Variants in ARRB1 observed in about 807,000 individuals in gnomAD.
ARRB1 encodes the protein arrestin beta 1.
A neutral mutation model predicts 56.8 loss-of-function variants in ARRB1; 21 were observed. The ratio of observed to expected loss-of-function variants is 0.37; its 90% CI spans 0.26 to 0.53. ARRB1 has a LOEUF of 0.53. Among genes scored for constraint, ARRB1 ranks in the 20% least tolerant of loss-of-function variants. The pLI is 0.88. For missense variants in ARRB1, 424 were observed against 553.7 expected, an observed-to-expected ratio of 0.77 and a Z score of 2.35; for synonymous variants, 210 against 218.6, an observed-to-expected ratio of 0.96 and a Z score of 0.35.
At chr11:75,317,189 C>G (rs1337188479) in intron 1 of ARRB1, among the ~76,000 whole-genome samples, 1 of 152,176 alleles carries the variant, frequency 6.6e-6, no homozygotes, top group Non-Finnish European at 1.5e-5. Context: ...CAGGTGGCCT[C>G]TGGGTAACGG....
chr11:75,323,527 T>C (rs1156335191), intron 1 of ARRB1, among the ~76,000 whole-genome samples: 3 of 151,974 alleles, frequency 2.0e-5, no homozygotes, highest in Non-Finnish European at 2.9e-5. Context: ...GGCTGAGGCA[T>C]GAGAATTGCT....
At chr11:75,289,108 T>C (rs1427394206) in intron 2 of ARRB1, among the ~76,000 whole-genome samples, 1 of 152,114 alleles carries the variant, frequency 6.6e-6, no homozygotes, top group East Asian at 1.9e-4. Flanking sequence ...ACTGATGTTA[T>C]CTACTGTGGA....
At chr11:75,277,598 T>C in intron 8 of ARRB1, 150 bp from the exon 9 acceptor site, 2 of 689,740 alleles carry the variant, frequency 2.9e-6, no homozygotes, top group South Asian at 3.5e-5. Context: ...CTGAAGTCCA[T>C]CACATCCCTC....
At chr11:75,312,170 G>A (rs1239010504) in intron 1 of ARRB1, 3 of 1,286,500 alleles carry the variant, frequency 2.3e-6, no homozygotes, top group Non-Finnish European at 3.0e-6. Flanking sequence ...GCCCTCCCCG[G>A]GGAGTGGTGA....
chr11:75,304,492 C>T (rs1946976268), intron 1 of ARRB1, among the ~76,000 whole-genome samples: 1 of 152,030 alleles, frequency 6.6e-6, no homozygotes, highest in South Asian at 2.1e-4. Flanking sequence ...GCTGAGCTGG[C>T]TTGTACAGGC....
intron 1 of ARRB1, among the ~76,000 whole-genome samples, chr11:75,323,777 G>T (rs1380480096): frequency 6.6e-6 from 1 of 152,122 alleles, no homozygotes; most frequent in Non-Finnish European, 1.5e-5. Flanking sequence ...GCCACCCAGG[G>T]TCCAGGCTCT....
At position 75,304,918 on chromosome 11, in the gene ARRB1, A is replaced by T. The variant is rs7938909; in HGVS notation, c.21-14879T>A. Among the ~76,000 whole-genome samples, 692 of 151,832 alleles carry T rather than the reference A, an allele frequency of 4.6e-3. 9 individuals carry two copies. The highest frequency in any genetic ancestry group is 0.016 in the African/African-American group (666 of 41,404). ...AAAGAGAGAGGAAAAAAAAAAGTTT[A>T]AAAAAAAGAAAAATAGAAATCCTAA... On this transcript the variant is annotated intron_variant, in intron 1 of 15. Coordinates refer to ENST00000420843, the MANE Select transcript of ARRB1 (RefSeq NM_004041.5).
chr11:75,267,719 GT>G lies in ARRB1; in HGVS notation c.1094-17del. ...TTCTCTGGAACTAAACACAGGGTGG[GT>G]GGGCAGGGTGTCCAGGGATTAGTGA... On this transcript the variant is annotated splice_polypyrimidine_tract_variant and intron_variant, in intron 14 of 15. Transcript: ENST00000420843. The G allele has an allele frequency of 6.4e-7, 1 of 1,551,706 alleles. No individual in the cohort carries two copies. The highest frequency in any genetic ancestry group is 8.9e-7 in the Non-Finnish European group (1 of 1,128,534).
chr11:75,269,124 T>A lies in ARRB1; in HGVS notation c.1023-165A>T, dbSNP rs1220867107. 6 of 770,574 alleles carry A rather than the reference T, an allele frequency of 7.8e-6. No individual in the cohort carries two copies. The East Asian group carries it at 1.5e-4, about 20-fold the overall frequency. The allele number at this position is 770,574 out of a possible 1,614,324, so 47.7% of individuals were successfully genotyped here. A position where few individuals can be genotyped will look rare whatever the true frequency, so the allele number is the denominator to read the frequency against. On this transcript the variant is annotated intron_variant, in intron 13 of 15. Transcript: ENST00000420843. Reference sequence around the variant, plus strand: ...AGTTCTGCCACTCGGAGCCTCGGTCTGCCTGGGAGCTGGACGAGGAGACTT... The same window carrying A: ...AGTTCTGCCACTCGGAGCCTCGGTCAGCCTGGGAGCTGGACGAGGAGACTT...
chr11:75,298,598 G>A (rs192365997), intron 1 of ARRB1, among the ~76,000 whole-genome samples: 13 of 152,310 alleles, frequency 8.5e-5, no homozygotes, highest in African/African-American at 1.2e-4. Flanking sequence ...AATGGAAAGT[G>A]GGGCCGTCAC....
intron 1 of ARRB1, among the ~76,000 whole-genome samples, chr11:75,317,094 T>C (rs1947278189): frequency 6.6e-6 from 1 of 152,040 alleles, no homozygotes; most frequent in Non-Finnish European, 1.5e-5. Flanking sequence ...ATAATCCCAT[T>C]TTGCTTACAT....
intron 1 of ARRB1, among the ~76,000 whole-genome samples, chr11:75,334,247 G>A (rs899795202): frequency 6.6e-6 from 1 of 150,952 alleles, no homozygotes; most frequent in Non-Finnish European, 1.5e-5. Flanking sequence ...GCTTGAACCC[G>A]GGCTGAGATA....
intron 1 of ARRB1, among the ~76,000 whole-genome samples, chr11:75,334,442 G>A (rs1285702534): frequency 2.0e-5 from 3 of 151,968 alleles, no homozygotes; most frequent in Admixed American, 6.6e-5. Context: ...GTATCCCAGA[G>A]CCTAATACCA....
chr11:75,326,724 C>CT (rs34937667), intron 1 of ARRB1, among the ~76,000 whole-genome samples: 71,161 of 123,762 alleles, frequency 0.57, 21,343 homozygotes, highest in African/African-American at 0.67. Context: ...AAATTACTGT[C>CT]TTTTTTTTTT....
chr11:75,299,593 C>T (rs775270349), intron 1 of ARRB1, among the ~76,000 whole-genome samples: 5 of 152,088 alleles, frequency 3.3e-5, no homozygotes, highest in Non-Finnish European at 7.4e-5. Flanking sequence ...CCTAATGTAT[C>T]GTATACTCAG....
At chr11:75,314,914 C>A (rs1196820995) in intron 1 of ARRB1, among the ~76,000 whole-genome samples, 1 of 152,180 alleles carries the variant, frequency 6.6e-6, no homozygotes, top group African/African-American at 2.4e-5. Context: ...GCCAACAGTG[C>A]CTTTCTTCAC....
rs567513719 is a variant in ARRB1, at chr11:75,287,063, C to A, written c.112+252G>T. ...TATAGTAAGTGGCGGTGTCTGTCGT[C>A]ATCACCCTCACCCTTCTTACCATCA... On this transcript the variant is annotated intron_variant, in intron 3 of 15. Coordinates refer to ENST00000420843, the MANE Select transcript of ARRB1 (RefSeq NM_004041.5). Among the ~76,000 whole-genome samples the A allele has an allele frequency of 2.0e-5, 3 of 152,286 alleles. No homozygotes were observed. In the South Asian group the frequency reaches 6.2e-4, roughly 32 times the overall value.
At chr11:75,281,035 C>T in intron 7 of ARRB1, 40 bp downstream of exon 7, 2 of 1,577,882 alleles carry the variant, frequency 1.3e-6, no homozygotes, top group Non-Finnish European at 1.7e-6. Context: ...GTCTCCCTCC[C>T]TCACCCAGCA....
At chr11:75,335,171 C>A (rs1947583335) in intron 1 of ARRB1, 2 of 246,576 alleles carry the variant, frequency 8.1e-6, no homozygotes, top group East Asian at 1.4e-4. Flanking sequence ...TGCCTCCAGC[C>A]CAACAGACAG....
Sources: gnomAD v4.1 joint callset for allele counts (sites outside exome capture counted in the v4.1 genomes callset) on GRCh38, gnomAD v4.1.1 for gene constraint, MANE v1.5 for transcripts, NCBI Gene and HGNC (gene_info 2026-07-23, HGNC 2026-07-21) for gene names.